Variants in OPCML observed in about 807,000 individuals in gnomAD.
OPCML encodes opioid binding protein/cell adhesion molecule like.
In OPCML, 13 loss-of-function variants were observed where a neutral mutation model predicts 37.8. That is an observed-to-expected ratio of 0.34 (90% CI 0.22 to 0.55). The LOEUF (loss-of-function observed/expected upper bound fraction) is 0.55. OPCML is among the 20% of genes least tolerant of loss of function. OPCML has a pLI of 0.91. For missense variants in OPCML, 341 were observed against 435.6 expected, an observed-to-expected ratio of 0.78 and a Z score of 1.93; for synonymous variants, 176 against 168.8, an observed-to-expected ratio of 1.04 and a Z score of -0.33.
intron 4 of OPCML, among the ~76,000 whole-genome samples, chr11:132,514,322 A>G (rs190866511): frequency 4.5e-4 from 68 of 152,312 alleles, no homozygotes; most frequent in Admixed American, 1.5e-3. Flanking sequence ...GGGAGGCTTG[A>G]AAGTCGCCCA....
chr11:133,261,938 G>A (rs1251970492), intron 1 of OPCML, among the ~76,000 whole-genome samples: 2 of 152,118 alleles, frequency 1.3e-5, no homozygotes, highest in Admixed American at 6.5e-5. Context: ...TTGAGGGTTC[G>A]GATGTTCTTG....
chr11:133,045,977 C>T lies in OPCML; in HGVS notation c.62-102967G>A, dbSNP rs115418726. Among the ~76,000 whole-genome samples, 316 of 152,290 alleles carry T rather than the reference C, an allele frequency of 2.1e-3. 1 individual carries two copies. The highest frequency in any genetic ancestry group is 7.1e-3 in the African/African-American group (295 of 41,568). ...AGGAGTTACTGCTTAGCATGTGAAGCTACAAGATGCTCACCGGCAAGGGGC... is the reference window on the plus strand; with the variant it reads ...AGGAGTTACTGCTTAGCATGTGAAGTTACAAGATGCTCACCGGCAAGGGGC... On this transcript the variant is annotated intron_variant, in intron 1 of 7. Coordinates refer to ENST00000524381, the MANE Select transcript of OPCML (RefSeq NM_001012393.5).
chr11:132,525,209 C>G (rs938383750), intron 4 of OPCML, among the ~76,000 whole-genome samples: 7 of 152,104 alleles, frequency 4.6e-5, no homozygotes, highest in Non-Finnish European at 8.8e-5. Context: ...TATTTTTCTC[C>G]AATGTGATAA....
chr11:133,507,792 C>T (rs1565673929), intron 1 of OPCML, among the ~76,000 whole-genome samples: 1 of 151,936 alleles, frequency 6.6e-6, no homozygotes, highest in African/African-American at 2.4e-5. Flanking sequence ...TACAAAATTA[C>T]AAAAGTTAGC....
chr11:132,763,985 C>T (rs1946351643), intron 2 of OPCML, among the ~76,000 whole-genome samples: 1 of 152,374 alleles, frequency 6.6e-6, no homozygotes, highest in Non-Finnish European at 1.5e-5. Context: ...TGCCTGACGA[C>T]TACCAGGGCT....
At chr11:133,304,580 T>C (rs1046619927) in intron 1 of OPCML, among the ~76,000 whole-genome samples, 7 of 152,150 alleles carry the variant, frequency 4.6e-5, no homozygotes, top group African/African-American at 1.4e-4. Context: ...GCCTCCCAAG[T>C]GCTAAGGTTA....
chr11:132,922,571 C>T (rs1296213971), intron 2 of OPCML, among the ~76,000 whole-genome samples: 1 of 152,022 alleles, frequency 6.6e-6, no homozygotes, highest in Non-Finnish European at 1.5e-5. Context: ...CTCCTGCTTC[C>T]CTTCCTTTCA....
intron 1 of OPCML, among the ~76,000 whole-genome samples, chr11:133,274,618 A>G (rs930630601): frequency 3.3e-5 from 5 of 152,142 alleles, no homozygotes; most frequent in African/African-American, 1.2e-4. Context: ...GTACTTTGTT[A>G]TGGGAGCCCT....
intron 1 of OPCML, among the ~76,000 whole-genome samples, chr11:133,231,270 T>C (rs1461060094): frequency 6.6e-6 from 1 of 152,164 alleles, no homozygotes; most frequent in Non-Finnish European, 1.5e-5. Flanking sequence ...TCTCCTCTTC[T>C]ACCGCTTGAT....
At chr11:133,495,303 T>C (rs888139100) in intron 1 of OPCML, among the ~76,000 whole-genome samples, 2 of 152,220 alleles carry the variant, frequency 1.3e-5, no homozygotes, top group Non-Finnish European at 2.9e-5. Flanking sequence ...CACTCATTGA[T>C]TGATTGGTAT....
chr11:133,108,264 G>A (rs982783426), intron 1 of OPCML, among the ~76,000 whole-genome samples: 1 of 152,216 alleles, frequency 6.6e-6, no homozygotes, highest in African/African-American at 2.4e-5. Flanking sequence ...ATGCAACTCA[G>A]TTTTCAGTCT....
chr11:132,486,442 GT>G (rs1555136896), intron 4 of OPCML, among the ~76,000 whole-genome samples: 5 of 151,670 alleles, frequency 3.3e-5, no homozygotes, highest in Non-Finnish European at 5.9e-5. Context: ...CTTCAGAACA[GT>G]TTTTTTTAAA....
chr11:133,008,558 G>A (rs1591906165), intron 1 of OPCML: 1 of 473,022 alleles, frequency 2.1e-6, no homozygotes, highest in Non-Finnish European at 2.8e-6. Flanking sequence ...TCTGGGAACT[G>A]CCCTCAGTGG....
intron 2 of OPCML, among the ~76,000 whole-genome samples, chr11:132,889,597 A>G (rs1370965539): frequency 6.6e-6 from 1 of 152,260 alleles, no homozygotes. Context: ...ATTTCCTACC[A>G]GAGATGTCTC....
At chr11:133,102,396 T>A (rs572479143) in intron 1 of OPCML, among the ~76,000 whole-genome samples, 51 of 152,244 alleles carry the variant, frequency 3.3e-4, no homozygotes, top group African/African-American at 1.2e-3. Flanking sequence ...AAGAGAATTG[T>A]TCTCAGGATG....
chr11:133,248,459 T>G (rs1941024517), intron 1 of OPCML, among the ~76,000 whole-genome samples: 1 of 152,208 alleles, frequency 6.6e-6, no homozygotes, highest in Non-Finnish European at 1.5e-5. Context: ...TCTGTAAATC[T>G]GGGGCAAGGC....
At chr11:132,949,330 C>T (rs539637604) in intron 1 of OPCML, among the ~76,000 whole-genome samples, 71 of 152,154 alleles carry the variant, frequency 4.7e-4, no homozygotes, top group Non-Finnish European at 9.4e-4. Context: ...GAACGTAGCT[C>T]GTGACACTGA....
intron 1 of OPCML, among the ~76,000 whole-genome samples, chr11:133,228,082 G>C (rs945648230): frequency 6.6e-6 from 1 of 152,186 alleles, no homozygotes; most frequent in Non-Finnish European, 1.5e-5. Flanking sequence ...TCCTTGGGAT[G>C]GGAGATGTCC....
At chr11:133,136,144 C>G (rs910028847) in intron 1 of OPCML, among the ~76,000 whole-genome samples, 2 of 152,072 alleles carry the variant, frequency 1.3e-5, no homozygotes, top group East Asian at 3.9e-4. Flanking sequence ...TAGGAGACAC[C>G]TAAGAAAAAT....
Sources: gnomAD v4.1 joint callset for allele counts (sites outside exome capture counted in the v4.1 genomes callset) on GRCh38, gnomAD v4.1.1 for gene constraint, MANE v1.5 for transcripts, NCBI Gene and HGNC (gene_info 2026-07-23, HGNC 2026-07-21) for gene names.